Variants in AGBL3 observed in about 807,000 individuals in gnomAD.
AGBL3 encodes the protein AGBL carboxypeptidase 3.
Under a neutral mutation model 94.5 loss-of-function variants are expected in AGBL3, and 68 were observed. The observed-to-expected ratio is 0.72, with a 90% confidence interval of 0.59 to 0.88. The LOEUF is 0.88. Among genes scored for constraint, AGBL3 ranks in the 40% least tolerant of loss-of-function variants. The pLI is 0.00. For missense variants in AGBL3, 934 were observed against 1,103.8 expected, an observed-to-expected ratio of 0.85 and a Z score of 2.18; for synonymous variants, 354 against 370.7, an observed-to-expected ratio of 0.95 and a Z score of 0.52.
intron 5 of AGBL3, among the ~76,000 whole-genome samples, chr7:135,024,757 A>C (rs1814903486): frequency 6.6e-6 from 1 of 152,230 alleles, no homozygotes; most frequent in African/African-American, 2.4e-5. Context: ...AAATGATCCA[A>C]GAGCTGAAAG....
At chr7:135,054,174 C>A (rs1352001344) in intron 11 of AGBL3, among the ~76,000 whole-genome samples, 1 of 152,162 alleles carries the variant, frequency 6.6e-6, no homozygotes, top group Non-Finnish European at 1.5e-5. Context: ...AATGAATTAA[C>A]CTCAGCCTGT....
intron 13 of AGBL3, among the ~76,000 whole-genome samples, chr7:135,079,868 T>A (rs934630441): frequency 6.6e-6 from 1 of 152,200 alleles, no homozygotes; most frequent in Non-Finnish European, 1.5e-5. Flanking sequence ...ATGTTTGTTG[T>A]TCTAATTTAA....
chr7:135,091,312 G>A (rs1183167234), intron 15 of AGBL3, among the ~76,000 whole-genome samples: 1 of 152,052 alleles, frequency 6.6e-6, no homozygotes, highest in African/African-American at 2.4e-5. Flanking sequence ...AGTATATGTG[G>A]GGGATTTGTT....
At chr7:135,129,192 T>C in intron 16 of AGBL3, 1 of 1,422,752 alleles carries the variant, frequency 7.0e-7, no homozygotes, top group East Asian at 2.3e-5. Flanking sequence ...TGTGGTGTAC[T>C]GCCCCCACGC....
intron 1 of AGBL3, 132 bp downstream of exon 1, chr7:134,986,833 G>C (rs976507317): frequency 6.6e-6 from 1 of 152,292 alleles, no homozygotes; most frequent in Non-Finnish European, 1.5e-5. Flanking sequence ...TGGCCTCATC[G>C]TGCTTCCCGC....
chr7:134,997,865 A>G (rs2133393313), intron 4 of AGBL3, among the ~76,000 whole-genome samples: 1 of 152,328 alleles, frequency 6.6e-6, no homozygotes, highest in Non-Finnish European at 1.5e-5. Context: ...TCTCTTTAAC[A>G]AAGAGCCTAG....
intron 12 of AGBL3, among the ~76,000 whole-genome samples, chr7:135,067,098 C>A (rs62479661): frequency 0.37 from 55,784 of 152,154 alleles, 10,522 homozygotes; most frequent in South Asian, 0.49. Flanking sequence ...TATCCTGCGC[C>A]TGGCTCAGAG....
intron 12 of AGBL3, among the ~76,000 whole-genome samples, chr7:135,070,676 T>A (rs143401884): frequency 3.2e-4 from 48 of 151,608 alleles, no homozygotes; most frequent in African/African-American, 1.1e-3. Flanking sequence ...AATTCGACAA[T>A]GCTTCATGCT....
intron 15 of AGBL3, among the ~76,000 whole-genome samples, chr7:135,082,601 C>A (rs1821010529): frequency 6.6e-6 from 1 of 151,984 alleles, no homozygotes; most frequent in African/African-American, 2.4e-5. Context: ...ATTCTAAAAT[C>A]TTGACATATT....
At chr7:135,051,079 A>G (rs56164604) in intron 11 of AGBL3, 57,551 of 420,958 alleles carry the variant, frequency 0.14, 4,304 homozygotes, top group East Asian at 0.19. Context: ...GTAATGAATA[A>G]TAACTGGAAA....
In AGBL3 at chr7:135,002,448, G is replaced by A. The variant is rs1042739210; in HGVS notation, c.310+8770G>A. 3.3e-5 allele frequency among the ~76,000 whole-genome samples: 5 copies of A among 152,092 alleles called. No homozygotes were observed. In the East Asian group the frequency reaches 9.6e-4, roughly 29 times the overall value. Reference sequence around the variant, plus strand: ...TTTCTATTAGGGACCAGTTATGTCTGTATGGAATGCCCACGTGGCTGGCTT... The same window carrying A: ...TTTCTATTAGGGACCAGTTATGTCTATATGGAATGCCCACGTGGCTGGCTT... On this transcript the variant is annotated intron_variant, in intron 4 of 16. Transcript: ENST00000436302.
chr7:135,034,708 A>C lies in AGBL3; in HGVS notation c.1117A>C (p.Ile373Leu). ...TCCAGGGGAAACCAACAGCTCTTGG[A>C]TCATGAAAGGCTTCCTAGATTATAT... Reference protein sequence around the residue: ...VHPGETNSSWIMKGFLDYILG... With the variant: ...VHPGETNSSWLMKGFLDYILG... The change falls in exon 7 of 17, where the codon ATC becomes CTC. Residue 373 changes from isoleucine (I) to leucine (L), a missense_variant. Transcript: ENST00000436302. 6.4e-7 allele frequency: 1 copy of C among 1,550,922 alleles called. No individual in the cohort carries two copies. Among genetic ancestry groups the C allele is most frequent in the Non-Finnish European group, 8.7e-7 (1 of 1,146,594 alleles).
At chr7:134,997,484 G>A (rs867150795) in intron 4 of AGBL3, among the ~76,000 whole-genome samples, 84 of 152,276 alleles carry the variant, frequency 5.5e-4, no homozygotes, top group African/African-American at 1.9e-3. Context: ...AATCAGGGAA[G>A]CTCATCTAGC....
At chr7:135,046,814 CTT>C (rs1229788601) in intron 11 of AGBL3, among the ~76,000 whole-genome samples, 1 of 152,006 alleles carries the variant, frequency 6.6e-6, no homozygotes, top group Non-Finnish European at 1.5e-5. Context: ...AGACATAAGT[CTT>C]TGACTTCTTT....
At chr7:135,015,114 A>T (rs1029319391) in intron 4 of AGBL3, among the ~76,000 whole-genome samples, 1 of 152,194 alleles carries the variant, frequency 6.6e-6, no homozygotes, top group Non-Finnish European at 1.5e-5. Flanking sequence ...ATAACAAGTC[A>T]AGAAGAAGTG....
rs2348049 is a variant in AGBL3 at position 134,993,502 on chromosome 7, T to A, written c.134T>A (p.Phe45Tyr). ...TGAATCTTTTTCTCAGCTGACTCTT[T>A]TGGTGATCCCTTCTTCCCCCGGACT... ...HRCALLTADS[F>Y]GDPFFPRTTQ... The change falls in exon 4 of 17, where the codon TTT becomes TAT. Residue 45 changes from phenylalanine to tyrosine, a missense_variant. Physicochemically the swap from Phe to Tyr is conservative, Grantham distance 22. Transcript: ENST00000436302. The A allele has an allele frequency of 0.27, 413,435 of 1,545,104 alleles. 56,287 individuals are homozygous for A. The highest frequency in any genetic ancestry group is 0.37 in the Middle Eastern group (2,195 of 5,974).
intron 9 of AGBL3, among the ~76,000 whole-genome samples, chr7:135,045,100 A>T (rs557930117): frequency 6.6e-6 from 1 of 151,948 alleles, no homozygotes; most frequent in Non-Finnish European, 1.5e-5. Flanking sequence ...CATTTTCTTA[A>T]TCAAAGCACT....
intron 4 of AGBL3, among the ~76,000 whole-genome samples, chr7:134,994,736 GGAGA>G (rs1051281963): frequency 6.6e-6 from 1 of 152,142 alleles, no homozygotes; most frequent in Non-Finnish European, 1.5e-5. Flanking sequence ...AAGGACGGGT[GGAGA>G]GAGAGAAAGA....
intron 15 of AGBL3, among the ~76,000 whole-genome samples, chr7:135,096,561 AT>A (rs58270134): frequency 0.37 from 32,263 of 86,662 alleles, 4,979 homozygotes; most frequent in South Asian, 0.55. Context: ...AGAAAGAAAG[AT>A]AGATAGATAG....
Sources: gnomAD v4.1 joint callset for allele counts (sites outside exome capture counted in the v4.1 genomes callset) on GRCh38, gnomAD v4.1.1 for gene constraint, MANE v1.5 for transcripts, NCBI Gene and HGNC (gene_info 2026-07-23, HGNC 2026-07-21) for gene names.